Variants in MELTF observed in about 807,000 individuals in gnomAD.
MELTF encodes antigen p97 (melanoma associated) identified by monoclonal antibodies 133.2 and 96.5.
A neutral mutation model predicts 83.7 loss-of-function variants in MELTF; 67 were observed. The observed-to-expected ratio is 0.80, with a 90% confidence interval of 0.66 to 0.98. MELTF has a LOEUF of 0.98. MELTF is among the 50% of genes least tolerant of loss of function. MELTF has a pLI of 0.00. For synonymous variants in MELTF, 462 were observed against 447.6 expected (o/e 1.03, Z -0.41); for missense variants, 1,002 against 1,035.6 (o/e 0.97, Z 0.44).
Position 197,024,239 on chromosome 3 carries a change from G to T in MELTF, c.487+64C>A. 2 of 1,484,912 alleles carry T rather than the reference G, an allele frequency of 1.3e-6. No individual in the cohort carries two copies. The highest frequency in any genetic ancestry group is 1.3e-5 in the South Asian group (1 of 75,182). 92.0% of individuals were successfully genotyped at this position (1,484,912 alleles called of 1,614,324 possible). ...GAGGGAGGCTACCCAGTGAAGGGAC[G>T]AGCATGGGCCAAGGAAAGGAGGGGG... On this transcript the variant is annotated intron_variant, in intron 4 of 15. Transcript: ENST00000296350. The surrounding 1 kb of genome is among the most constrained non-coding windows in gnomAD (Gnocchi z 5.3).
rs1433410675 is a variant in MELTF at position 197,024,203 on chromosome 3, T to G, written c.487+100A>C. ...TGCGCCTTCCAGGAATGAAGAATGG[T>G]GGCGAGGCCGGAGGGAGGCTACCCA... is the stretch of plus-strand genomic sequence containing the variant. On this transcript the variant is annotated intron_variant, in intron 4 of 15. Transcript: ENST00000296350. The surrounding 1 kb of genome is among the most constrained non-coding windows in gnomAD (Gnocchi z 5.3). 2.3e-6 allele frequency: 3 copies of G among 1,299,480 alleles called. No homozygotes were observed. The Admixed American group carries it at 6.9e-5, about 30-fold the overall frequency. The allele number at this position is 1,299,480 out of a possible 1,614,324, so 80.5% of individuals were successfully genotyped here. A position where few individuals can be genotyped will look rare whatever the true frequency, so the allele number is the denominator to read the frequency against.
rs192956828 is a variant in MELTF at position 197,022,967 on chromosome 3, C to T, written c.634G>A (p.Gly212Arg). The change falls in exon 5 of 16, where the codon GGG (glycine) becomes AGG (arginine). Residue 212 changes from glycine (G) to arginine (R), a missense_variant. Gly to Arg is a moderately radical substitution (Grantham distance 125). Coordinates refer to ENST00000296350, the MANE Select transcript of MELTF (RefSeq NM_005929.6). This position sits in a 1 kb window ranked among gnomAD's most constrained non-coding sequence, Gnocchi z 5.1. ...CCCCACTCCGCTCACCGGAAGGCCC[C>T]GCTGTAGTCGTAGTATCTCTCCAGG... The part of the protein sequence containing the change: ...SPLERYYDYS[G>R]AFRCLAEGAG... 2.4e-4 allele frequency: 384 copies of T among 1,609,530 alleles called. No individual in the cohort carries two copies. Among genetic ancestry groups the T allele is most frequent in the Middle Eastern group, 3.5e-4 (2 of 5,700 alleles).
rs759318452 is a variant in MELTF, at chr3:197,027,746, G to A, written c.204+10C>T. The A allele has an allele frequency of 6.2e-6, 10 of 1,602,072 alleles. No homozygotes were observed. Among genetic ancestry groups the A allele is most frequent in the African/African-American group, 1.3e-5 (1 of 74,834 alleles). ...CTCTTGTCTGGCAGGGTGGAAGGGA[G>A]AGGACTCACCGCGATGAGCTGGACG... is the stretch of plus-strand genomic sequence containing the variant. On this transcript the variant is annotated intron_variant, in intron 2 of 15. Transcript: ENST00000296350.
chr3:197,016,898 C>CCT (rs1356214077), intron 7 of MELTF, among the ~76,000 whole-genome samples: 3 of 152,196 alleles, frequency 2.0e-5, no homozygotes, highest in African/African-American at 7.2e-5. Context: ...CCTGGGTCCC[C>CCT]CTCCTCTGGG....
chr3:197,026,816 C>A, intron 2 of MELTF, 57 bp from the exon 3 acceptor site: 1 of 1,506,742 alleles, frequency 6.6e-7, no homozygotes, highest in South Asian at 1.1e-5. Context: ...CAGCAAAGAA[C>A]TCGGGACACC....
chr3:197,014,490 C>A lies in MELTF; in HGVS notation c.1233+875G>T, dbSNP rs186841285. 2.5e-4 allele frequency among the ~76,000 whole-genome samples: 38 copies of A among 149,370 alleles called. No homozygotes were observed. The East Asian group carries it at 6.6e-3, about 26-fold the overall frequency. ...GCAACCTCCACCTCCCGGGTCCAAG[C>A]GATTCTCCTGCCTCAGCCTCCCAAG... On this transcript the variant is annotated intron_variant, in intron 9 of 15. Transcript: ENST00000296350.
chr3:197,023,570 C>A (rs1184756962), intron 4 of MELTF, among the ~76,000 whole-genome samples: 1 of 152,214 alleles, frequency 6.6e-6, no homozygotes, highest in African/African-American at 2.4e-5. Flanking sequence ...TCAGGGTCTG[C>A]CGCCCTGCAT....
intron 6 of MELTF, chr3:197,019,928 G>A: frequency 7.4e-7 from 1 of 1,343,112 alleles, no homozygotes; most frequent in Non-Finnish European, 9.8e-7. Flanking sequence ...CTTGCTGGCA[G>A]GTGCGGGGAG....
rs1286548344 is a variant in MELTF, at chr3:197,009,643, C to T, written c.1500G>A (p.Arg500=). 2 of 1,612,638 alleles carry T rather than the reference C, an allele frequency of 1.2e-6. No homozygotes were observed. The highest frequency in any genetic ancestry group is 1.7e-6 in the Non-Finnish European group (2 of 1,178,924). The change falls in exon 11 of 16, where the codon CGG becomes CGA. Residue 500 remains arginine (R), a synonymous_variant. Coordinates refer to ENST00000296350, the MANE Select transcript of MELTF (RefSeq NM_005929.6). ...VGALIQRGFI[R]PKDCDVLTAV... is the part of the protein sequence containing the mutation. Reference sequence around the variant, plus strand: ...CTGTGAGGACGTCACAGTCCTTGGGCCGGATGAAGCCTCTCTGAATAAGGG... The same window carrying T: ...CTGTGAGGACGTCACAGTCCTTGGGTCGGATGAAGCCTCTCTGAATAAGGG...
At chr3:197,014,856 A>T (rs1003622425) in intron 9 of MELTF, among the ~76,000 whole-genome samples, 16 of 152,232 alleles carry the variant, frequency 1.1e-4, no homozygotes, top group Non-Finnish European at 5.9e-5. Flanking sequence ...TGCTCTGATC[A>T]CCATGTATTC....
At position 197,008,043 on chromosome 3, in the gene MELTF, C is replaced by G. The variant is rs565520326; in HGVS notation, c.1750+614G>C. On this transcript the variant is annotated intron_variant, in intron 13 of 15. Transcript: ENST00000296350. This position sits in a 1 kb window ranked among gnomAD's most constrained non-coding sequence, Gnocchi z 5.4. ...CGGACACAGATTCCTTCACGGAGAA[C>G]AAGAAGAAGGGGAAGTGATATAAGT... Among the ~76,000 whole-genome samples, 7 of 152,260 alleles carry G rather than the reference C, an allele frequency of 4.6e-5. No homozygotes were observed. Among genetic ancestry groups the G allele is most frequent in the African/African-American group, 1.7e-4 (7 of 41,550 alleles).
In MELTF at chr3:197,020,485, A is replaced by T. The variant is rs180892350; in HGVS notation, c.712+919T>A. On this transcript the variant is annotated intron_variant, in intron 6 of 15. Coordinates refer to ENST00000296350, the MANE Select transcript of MELTF (RefSeq NM_005929.6). Reference sequence around the variant, plus strand: ...TGTACTCTCAAATGGGTCAGAACACACACGCACACACACACACACACACAA... The same window carrying T: ...TGTACTCTCAAATGGGTCAGAACACTCACGCACACACACACACACACACAA... 6.3e-3 allele frequency among the ~76,000 whole-genome samples: 897 copies of T among 143,072 alleles called. 7 individuals are homozygous for T. Among genetic ancestry groups the T allele is most frequent in the African/African-American group, 0.021 (807 of 38,926 alleles). The allele number at this position is 143,072 out of a possible 152,430, so 93.9% of individuals were successfully genotyped here.
intron 9 of MELTF, among the ~76,000 whole-genome samples, chr3:197,014,383 G>GTTTTTTTTTTTTTTTTTTTTTT (rs71623319): frequency 2.0e-5 from 2 of 101,052 alleles, no homozygotes; most frequent in African/African-American, 8.3e-5. Context: ...AATAGGGAGA[G>GTTTTTTTTTTTTTTTTTTTTTT]TTTTTTTTTT....
intron 3 of MELTF, 41 bp downstream of exon 3, chr3:197,026,608 GAGCTGACTTCC>G (rs2148594046): frequency 1.3e-6 from 2 of 1,538,590 alleles, no homozygotes; most frequent in Non-Finnish European, 1.8e-6. Context: ...GCAGCCTGGA[GAGCTGACTTCC>G]AGCGCAGGCT....
chr3:197,003,450 C>T lies in MELTF; in HGVS notation c.2139G>A (p.Ala713=), dbSNP rs1330505816. 7 of 1,069,830 alleles carry T rather than the reference C, an allele frequency of 6.5e-6. No individual in the cohort carries two copies. The highest frequency in any genetic ancestry group is 5.4e-5 in the African/African-American group (3 of 55,380). The allele number at this position is 1,069,830 out of a possible 1,614,324, so 66.3% of individuals were successfully genotyped here. Residue 713 remains alanine (A), a splice_region_variant and synonymous_variant, in exon 16 of 16, where the codon GCG becomes GCA. Transcript: ENST00000296350. The surrounding 1 kb of genome is among the most constrained non-coding windows in gnomAD (Gnocchi z 6.2). ...GCAGGGGCGCCCCGGGCGCCGGGGC[C>T]GCTGGGGACGAACGCGGCGGGTCAG... ...GMSSQQCSGA[A]APAPGAPLLP... is the part of the protein sequence containing the mutation.
Position 197,022,348 on chromosome 3 carries a change from GCTGAGGA to G in MELTF, c.644+602_644+608del, listed in dbSNP as rs1415951673. On this transcript the variant is annotated intron_variant, in intron 5 of 15. Transcript: ENST00000296350. This position sits in a 1 kb window ranked among gnomAD's most constrained non-coding sequence, Gnocchi z 5.1. ...GGGCAAGGCTGTCCCGCTCAGGGGT[GCTGAGGA>G]CTGTTTCTTCTCTCTAAGCCGAAAA... Among the ~76,000 whole-genome samples the G allele has an allele frequency of 2.0e-5, 3 of 152,196 alleles. No homozygotes were observed. Among genetic ancestry groups the G allele is most frequent in the Non-Finnish European group, 4.4e-5 (3 of 68,036 alleles).
chr3:197,021,310 C>T (rs773751019), intron 6 of MELTF, 94 bp downstream of exon 6: 56 of 1,170,952 alleles, frequency 4.8e-5, no homozygotes, highest in Middle Eastern at 2.0e-4. Context: ...TGCACTAGGG[C>T]GTTTGATCCC....
In MELTF at chr3:197,008,078, G is replaced by C. The variant is rs1021277979; in HGVS notation, c.1750+579C>G. ...GGGAAGTGATATAAGTCAGGGGAGC[G>C]TGTGCTCTGATAGGACCATGTATGT... On this transcript the variant is annotated intron_variant, in intron 13 of 15. Coordinates refer to ENST00000296350, the MANE Select transcript of MELTF (RefSeq NM_005929.6). This position sits in a 1 kb window ranked among gnomAD's most constrained non-coding sequence, Gnocchi z 5.4. 5.3e-5 allele frequency among the ~76,000 whole-genome samples: 8 copies of C among 152,186 alleles called. No homozygotes were observed. Among genetic ancestry groups the C allele is most frequent in the African/African-American group, 1.9e-4 (8 of 41,426 alleles).
rs552273206 is a variant in MELTF at position 197,009,863 on chromosome 3, A to G, written c.1331-51T>C. On this transcript the variant is annotated intron_variant, in intron 10 of 15. Transcript: ENST00000296350. Reference sequence around the variant, plus strand: ...GGGCCCCTCATCTGAGAGCCCGGGCAAGTGCCTGGGGGGGTCCTTCCTTCA... The same window carrying G: ...GGGCCCCTCATCTGAGAGCCCGGGCGAGTGCCTGGGGGGGTCCTTCCTTCA... 164 of 1,541,902 alleles carry G rather than the reference A, an allele frequency of 1.1e-4. 1 individual carries two copies. In the East Asian group the frequency reaches 3.5e-3, roughly 33 times the overall value.
Sources: gnomAD v4.1 joint callset for allele counts (sites outside exome capture counted in the v4.1 genomes callset) on GRCh38, gnomAD v4.1.1 for gene constraint, Gnocchi (gnomAD v3.1) non-coding constraint, MANE v1.5 for transcripts, NCBI Gene and HGNC (gene_info 2026-07-23, HGNC 2026-07-21) for gene names.